MND1: variants seen among roughly 807,000 people sequenced by gnomAD.
MND1 encodes the protein meiotic nuclear divisions 1, also known as meiotic nuclear division protein 1 homolog.
A neutral mutation model predicts 35.1 loss-of-function variants in MND1; 28 were observed. That is an observed-to-expected ratio of 0.80 (90% CI 0.59 to 1.09). The LOEUF is 1.09. Ranked by LOEUF, MND1 falls within the 50% of genes least tolerant of loss-of-function variation. MND1 has a pLI of 0.00. For missense variants in MND1, 213 were observed against 239.6 expected (o/e 0.89, Z 0.73); for synonymous variants, 69 against 70.5 (o/e 0.98, Z 0.11).
chr4:153,411,789 G>C (rs1040050159), intron 7 of MND1, among the ~76,000 whole-genome samples: 3 of 152,098 alleles, frequency 2.0e-5, no homozygotes, highest in Non-Finnish European at 4.4e-5. Context: ...AGCCTATCCT[G>C]TAAGCTATAC....
At chr4:153,402,210 A>G (rs1318800706) in intron 6 of MND1, among the ~76,000 whole-genome samples, 24 of 152,224 alleles carry the variant, frequency 1.6e-4, no homozygotes, top group Admixed American at 1.5e-3. Context: ...AAAAGCAACA[A>G]TTCTTTAAAC....
chr4:153,394,383 T>G lies in MND1; in HGVS notation c.351+47T>G, dbSNP rs371984978. On this transcript the variant is annotated intron_variant, in intron 5 of 7. Coordinates refer to ENST00000240488, the MANE Select transcript of MND1 (RefSeq NM_032117.4). Reference sequence around the variant, plus strand: ...ATTTTAATAATGGCAATTCTAAATATTAGAGTAAGCGACACAGAGCTTCCT... The same window carrying G: ...ATTTTAATAATGGCAATTCTAAATAGTAGAGTAAGCGACACAGAGCTTCCT... The G allele has an allele frequency of 3.2e-5, 47 of 1,480,606 alleles. No individual in the cohort carries two copies. The African/African-American group carries it at 5.2e-4, about 16-fold the overall frequency. The allele number at this position is 1,480,606 out of a possible 1,614,324, so 91.7% of individuals were successfully genotyped here.
chr4:153,389,485 T>C (rs13125303), intron 4 of MND1, among the ~76,000 whole-genome samples: 8,019 of 152,228 alleles, frequency 0.053, 232 homozygotes, highest in East Asian at 0.088. Context: ...CTCAGTCTCC[T>C]GAGTAGCTGG....
At position 153,344,708 on chromosome 4, in the gene MND1, C is replaced by A; in HGVS notation, c.-30C>A. 1 of 1,582,478 alleles carries A rather than the reference C, an allele frequency of 6.3e-7. No individual in the cohort carries two copies. The highest frequency in any genetic ancestry group is 1.1e-5 in the South Asian group (1 of 87,284). On this transcript the variant is annotated 5_prime_UTR_variant, in exon 1 of 8. Coordinates refer to ENST00000240488, the MANE Select transcript of MND1 (RefSeq NM_032117.4). Reference sequence around the variant, plus strand: ...CCCGCCCCTCTCCCCAAGCGCGGGCCCGGCCAGCGGAAGCCCCTGCGCCCG... The same window carrying A: ...CCCGCCCCTCTCCCCAAGCGCGGGCACGGCCAGCGGAAGCCCCTGCGCCCG...
intron 5 of MND1, among the ~76,000 whole-genome samples, chr4:153,394,664 C>G (rs981361993): frequency 6.6e-6 from 1 of 152,076 alleles, no homozygotes; most frequent in African/African-American, 2.4e-5. Context: ...GTGGATTAAA[C>G]TAGTTAATAT....
At chr4:153,348,360 G>A (rs1338813108) in intron 1 of MND1, among the ~76,000 whole-genome samples, 1 of 152,156 alleles carries the variant, frequency 6.6e-6, no homozygotes, top group Non-Finnish European at 1.5e-5. Context: ...CGGAGTTGAA[G>A]TTTGTCCAGC....
chr4:153,367,829 T>C (rs950438829), intron 4 of MND1, among the ~76,000 whole-genome samples: 6 of 152,302 alleles, frequency 3.9e-5, no homozygotes, highest in African/African-American at 1.4e-4. Context: ...CACTCATTTC[T>C]CCACATCCTC....
chr4:153,413,610 G>C (rs1043258006), intron 7 of MND1, among the ~76,000 whole-genome samples: 1 of 151,718 alleles, frequency 6.6e-6, no homozygotes, highest in African/African-American at 2.4e-5. Flanking sequence ...CCTAGAAGGT[G>C]GAGACTGCAG....
chr4:153,406,131 A>G (rs1487600294), intron 6 of MND1, among the ~76,000 whole-genome samples: 1 of 152,216 alleles, frequency 6.6e-6, no homozygotes, highest in Non-Finnish European at 1.5e-5. Context: ...TGGGTTAAGC[A>G]ACAATTCCTT....
At chr4:153,409,699 AT>A (rs1561082189) in intron 7 of MND1, among the ~76,000 whole-genome samples, 1 of 151,748 alleles carries the variant, frequency 6.6e-6, no homozygotes, top group African/African-American at 2.4e-5. Flanking sequence ...AAATATAATA[AT>A]TTTTTTTCCT....
At chr4:153,362,952 A>G (rs1773531562) in intron 4 of MND1, 2 of 963,002 alleles carry the variant, frequency 2.1e-6, no homozygotes, top group Admixed American at 6.2e-5. Flanking sequence ...GCATGTCTAT[A>G]CATGGCATGG....
intron 4 of MND1, among the ~76,000 whole-genome samples, chr4:153,375,435 A>T (rs181511679): frequency 1.1e-4 from 17 of 152,272 alleles, no homozygotes; most frequent in Non-Finnish European, 2.2e-4. Flanking sequence ...GCAAGATTCA[A>T]ATCCAGGCAT....
At chr4:153,390,886 T>C (rs1424759755) in intron 4 of MND1, among the ~76,000 whole-genome samples, 2 of 112,832 alleles carry the variant, frequency 1.8e-5, no homozygotes, top group African/African-American at 9.8e-5. Context: ...AAAAGGTATA[T>C]ATATGTGTGT....
chr4:153,361,445 A>G (rs1230682976), intron 4 of MND1: 2 of 455,914 alleles, frequency 4.4e-6, no homozygotes, highest in Admixed American at 4.7e-5. Flanking sequence ...CTTTGATGTT[A>G]TGTTTTGATG....
chr4:153,355,733 G>C (rs749206344), intron 3 of MND1, 22 bp downstream of exon 3: 2 of 1,445,638 alleles, frequency 1.4e-6, no homozygotes, highest in East Asian at 4.6e-5. Flanking sequence ...AGTTATACTG[G>C]AATGTTTTGG....
At chr4:153,353,234 A>G (rs189429324) in intron 2 of MND1, among the ~76,000 whole-genome samples, 72 of 151,862 alleles carry the variant, frequency 4.7e-4, no homozygotes, top group African/African-American at 1.7e-3. Context: ...AAGTTCAATG[A>G]CTTAATATTT....
chr4:153,361,765 G>C (rs1773499628), intron 4 of MND1: 11 of 324,396 alleles, frequency 3.4e-5, no homozygotes, highest in South Asian at 2.7e-4. Context: ...ATGAACCCGG[G>C]AGGTGGAGCT....
intron 4 of MND1, among the ~76,000 whole-genome samples, chr4:153,368,809 TA>T (rs5863042): frequency 1.3e-5 from 2 of 151,734 alleles, no homozygotes; most frequent in East Asian, 3.9e-4. Flanking sequence ...TTGTAGCCTT[TA>T]AAAAAAAAGT....
chr4:153,355,842 C>T, intron 3 of MND1, 131 bp downstream of exon 3: 1 of 628,644 alleles, frequency 1.6e-6, no homozygotes, highest in South Asian at 2.1e-5. Flanking sequence ...TTTCTAGAGA[C>T]AAAGAAATCA....
Sources: gnomAD v4.1 joint callset for allele counts (sites outside exome capture counted in the v4.1 genomes callset) on GRCh38, gnomAD v4.1.1 for gene constraint, MANE v1.5 for transcripts, NCBI Gene and HGNC (gene_info 2026-07-23, HGNC 2026-07-21) for gene names.